CACNG5: variants seen among roughly 807,000 people sequenced by gnomAD.
CACNG5 encodes the protein calcium voltage-gated channel auxiliary subunit gamma 5, also known as voltage-dependent calcium channel gamma-5 subunit.
Under a neutral mutation model 24.8 loss-of-function variants are expected in CACNG5, and 18 were observed. That is an observed-to-expected ratio of 0.73 (90% CI 0.50 to 1.08). The LOEUF (loss-of-function observed/expected upper bound fraction) is 1.08, where lower values mean the gene tolerates loss of function less well. Ranked by LOEUF, CACNG5 falls within the 50% of genes least tolerant of loss-of-function variation. CACNG5 has a pLI of 0.00. For missense variants in CACNG5, 349 were observed against 367.9 expected, an observed-to-expected ratio of 0.95 and a Z score of 0.42; for synonymous variants, 157 against 149.1, an observed-to-expected ratio of 1.05 and a Z score of -0.39.
chr17:66,870,348 C>G (rs1976988203), intron 1 of CACNG5, among the ~76,000 whole-genome samples: 1 of 152,130 alleles, frequency 6.6e-6, no homozygotes, highest in Non-Finnish European at 1.5e-5. Context: ...ATTGGGCTGT[C>G]AAGCAGAGCA....
chr17:66,836,456 G>A (rs1037882482), intron 1 of CACNG5, among the ~76,000 whole-genome samples: 1 of 152,206 alleles, frequency 6.6e-6, no homozygotes, highest in East Asian at 1.9e-4. Flanking sequence ...TGGCTCTGAT[G>A]TCCTGGATTC....
rs1047456115 is a variant in CACNG5, at chr17:66,886,995, C to T, written c.*1755C>T. Among the ~76,000 whole-genome samples the T allele has an allele frequency of 1.3e-5, 2 of 152,082 alleles. No homozygotes were observed. The highest frequency in any genetic ancestry group is 2.4e-5 in the African/African-American group (1 of 41,414). On this transcript the variant is annotated 3_prime_UTR_variant, in exon 6 of 6. Coordinates refer to ENST00000533854, the MANE Select transcript of CACNG5 (RefSeq NM_145811.3). The stretch of plus-strand genomic sequence containing the variant: ...CCAAGGACACCAGTCAGATTGGATT[C>T]GGGTCCATCCCCGATTAATTGGTGG...
At chr17:66,859,827 C>G (rs1411974514) in intron 1 of CACNG5, among the ~76,000 whole-genome samples, 1 of 152,044 alleles carries the variant, frequency 6.6e-6, no homozygotes, top group Non-Finnish European at 1.5e-5. Context: ...CCTCTCCCTC[C>G]TCCTTCTCCT....
chr17:66,857,862 AC>A (rs369034213), intron 1 of CACNG5, among the ~76,000 whole-genome samples: 1 of 151,988 alleles, frequency 6.6e-6, no homozygotes, highest in African/African-American at 2.4e-5. Context: ...ACTCCATCCC[AC>A]CCCCAGAAGG....
rs567520944 is a variant in CACNG5, at chr17:66,894,040, G to A, written c.*8800G>A. 5.3e-5 allele frequency among the ~76,000 whole-genome samples: 8 copies of A among 152,228 alleles called. No homozygotes were observed. In the South Asian group the frequency reaches 6.2e-4, roughly 12 times the overall value. On this transcript the variant is annotated 3_prime_UTR_variant, in exon 6 of 6. Transcript: ENST00000533854. Reference sequence around the variant, plus strand: ...CCAGGCTAGAAATCCAAAGTCCAGCGGTGTAGGTGCCAGGGTTCTTGACAC... The same window carrying A: ...CCAGGCTAGAAATCCAAAGTCCAGCAGTGTAGGTGCCAGGGTTCTTGACAC...
chr17:66,884,944 C>T (rs1474493497), intron 5 of CACNG5, 39 bp from the exon 6 acceptor site: 1 of 1,614,100 alleles, frequency 6.2e-7, no homozygotes, highest in Non-Finnish European at 8.5e-7. Flanking sequence ...GAGGCAGGCC[C>T]CAGCAGCGAG....
intron 1 of CACNG5, among the ~76,000 whole-genome samples, chr17:66,854,667 C>A (rs565745022): frequency 6.6e-6 from 1 of 152,034 alleles, no homozygotes; most frequent in East Asian, 1.9e-4. Flanking sequence ...GCACTCCAGC[C>A]TGGGAAACAA....
In CACNG5 at chr17:66,888,186, T is replaced by C. The variant is rs1977289768; in HGVS notation, c.*2946T>C. ...CACCTGGAACTTACTACCCTACTTTTTTTTTTTTTTTTTTTTGAGATGATG... is the reference window on the plus strand; with the variant it reads ...CACCTGGAACTTACTACCCTACTTTCTTTTTTTTTTTTTTTTGAGATGATG... On this transcript the variant is annotated 3_prime_UTR_variant, in exon 6 of 6. Coordinates refer to ENST00000533854, the MANE Select transcript of CACNG5 (RefSeq NM_145811.3). Among the ~76,000 whole-genome samples, 1 of 147,690 alleles carries C rather than the reference T, an allele frequency of 6.8e-6. No individual in the cohort carries two copies. The highest frequency in any genetic ancestry group is 2.2e-4 in the South Asian group (1 of 4,524).
Position 66,877,311 on chromosome 17 carries a change from T to A in CACNG5, c.-22T>A. On this transcript the variant is annotated 5_prime_UTR_variant, in exon 2 of 6. Transcript: ENST00000533854. ...TGCTGGTGGGAGCGTGGCGACTAGT[T>A]GCACAGCAACGGTCCAGGAAGATGA... 1 of 1,606,904 alleles carries A rather than the reference T, an allele frequency of 6.2e-7. No homozygotes were observed. Among genetic ancestry groups the A allele is most frequent in the Non-Finnish European group, 8.5e-7 (1 of 1,174,908 alleles).
At chr17:66,865,382 T>A (rs2143084278) in intron 1 of CACNG5, among the ~76,000 whole-genome samples, 1 of 152,262 alleles carries the variant, frequency 6.6e-6, no homozygotes, top group South Asian at 2.1e-4. Context: ...CATTCTGCTT[T>A]ACATAGGAGG....
chr17:66,857,132 C>T (rs1424215453), intron 1 of CACNG5, among the ~76,000 whole-genome samples: 1 of 129,372 alleles, frequency 7.7e-6, no homozygotes, highest in Non-Finnish European at 1.5e-5. Flanking sequence ...TGCAGGGACA[C>T]TACAGCCTCC....
In CACNG5 at chr17:66,885,104, T is replaced by G. The variant is rs986767424; in HGVS notation, c.692T>G (p.Phe231Cys). 3 of 1,614,064 alleles carry G rather than the reference T, an allele frequency of 1.9e-6. No homozygotes were observed. The highest frequency in any genetic ancestry group is 1.3e-5 in the African/African-American group (1 of 74,922). ...AACTGCTCCGATTACTCAGGCCAGTTCCTACACCCAGACGCCTGGGTCAGG... is the reference window on the plus strand; with the variant it reads ...AACTGCTCCGATTACTCAGGCCAGTGCCTACACCCAGACGCCTGGGTCAGG... ...LSNCSDYSGQFLHPDAWVRGR... is the reference protein window; with the variant it reads ...LSNCSDYSGQCLHPDAWVRGR... Residue 231 changes from phenylalanine to cysteine, a missense_variant, in exon 6 of 6, where the codon TTC becomes TGC. By Grantham distance (205) the Phe-to-Cys change is radical. Coordinates refer to ENST00000533854, the MANE Select transcript of CACNG5 (RefSeq NM_145811.3).
chr17:66,870,409 C>A (rs1304124475), intron 1 of CACNG5, among the ~76,000 whole-genome samples: 1 of 152,204 alleles, frequency 6.6e-6, no homozygotes, highest in Non-Finnish European at 1.5e-5. Flanking sequence ...TGGTTTTCCC[C>A]TCAAAGGGAC....
At chr17:66,862,259 G>A (rs372307920) in intron 1 of CACNG5, among the ~76,000 whole-genome samples, 3 of 152,320 alleles carry the variant, frequency 2.0e-5, no homozygotes, top group Admixed American at 6.5e-5. Context: ...TTAAATGGAA[G>A]AGAAAGATGG....
At chr17:66,841,343 G>A (rs776644091) in intron 1 of CACNG5, among the ~76,000 whole-genome samples, 3 of 152,190 alleles carry the variant, frequency 2.0e-5, no homozygotes, top group Non-Finnish European at 4.4e-5. Flanking sequence ...TGAATAGAAT[G>A]GGAGGCAAGT....
At chr17:66,870,059 G>A (rs866565749) in intron 1 of CACNG5, among the ~76,000 whole-genome samples, 3 of 151,774 alleles carry the variant, frequency 2.0e-5, no homozygotes, top group Non-Finnish European at 4.4e-5. Context: ...CTCCAGCCTG[G>A]GCAAAAAGAG....
In CACNG5 at chr17:66,846,608, T is replaced by C. The variant is rs370248652; in HGVS notation, c.-104+11358T>C. ...TGGATAATATTCCATTTTGTGGATG[T>C]ACCACAGTGTGTCCATTCATGAAAT... On this transcript the variant is annotated intron_variant, in intron 1 of 5. Transcript: ENST00000533854. 8.5e-5 allele frequency among the ~76,000 whole-genome samples: 13 copies of C among 152,354 alleles called. No individual in the cohort carries two copies. In the East Asian group the frequency reaches 2.1e-3, roughly 25 times the overall value.
At chr17:66,837,626 C>T (rs937074999) in intron 1 of CACNG5, among the ~76,000 whole-genome samples, 1 of 152,194 alleles carries the variant, frequency 6.6e-6, no homozygotes, top group Non-Finnish European at 1.5e-5. Context: ...GCTTAATATC[C>T]CACCATTAGA....
intron 1 of CACNG5, among the ~76,000 whole-genome samples, chr17:66,856,965 T>C (rs1219516716): frequency 2.0e-5 from 3 of 151,760 alleles, no homozygotes; most frequent in African/African-American, 7.3e-5. Context: ...GTTATATAAG[T>C]GGAATCATGA....
Sources: gnomAD v4.1 joint callset for allele counts (sites outside exome capture counted in the v4.1 genomes callset) on GRCh38, gnomAD v4.1.1 for gene constraint, MANE v1.5 for transcripts, NCBI Gene and HGNC (gene_info 2026-07-23, HGNC 2026-07-21) for gene names.